Variants in KANK1 observed in about 807,000 individuals in gnomAD.
The protein encoded by KANK1 is KN motif and ankyrin repeat domains 1, also known as KN motif and ankyrin repeat domain-containing protein 1.
KANK1 carries 109 observed loss-of-function variants against 106.2 expected under a neutral mutation model. That is an observed-to-expected ratio of 1.03 (90% CI 0.88 to 1.20). The LOEUF is 1.20. Ranked by LOEUF, KANK1 falls within the 50% of genes most tolerant of loss-of-function variation. The pLI is 0.00. For synonymous variants in KANK1, 873 were observed against 652.2 expected (o/e 1.34, Z -5.16); for missense variants, 2,399 against 1,710.7 (o/e 1.40, Z -7.10).
At chr9:663,559 A>T (rs955664460) in intron 1 of KANK1, among the ~76,000 whole-genome samples, 4 of 152,240 alleles carry the variant, frequency 2.6e-5, no homozygotes, top group African/African-American at 9.6e-5. Context: ...TTTCATTCTG[A>T]TGCTCTTCTT....
intron 1 of KANK1, among the ~76,000 whole-genome samples, chr9:538,876 T>G (rs2060441208): frequency 6.6e-6 from 1 of 152,140 alleles, no homozygotes; most frequent in Non-Finnish European, 1.5e-5. Flanking sequence ...TTTTCCAGCT[T>G]TTGTTTTTTA....
intron 1 of KANK1, among the ~76,000 whole-genome samples, chr9:579,833 A>G (rs1271446254): frequency 1.3e-5 from 2 of 152,202 alleles, no homozygotes; most frequent in Non-Finnish European, 1.5e-5. Context: ...TTTGGCTCTA[A>G]GAAAATCTGG....
rs115066060 is a variant in KANK1, at chr9:661,021, T to C, written c.-83-15869T>C. ...CCAGTCATGTAGCTAGCTGTAGAGC[T>C]TGCAACTTAATGGCAACAGCTGTCC... On this transcript the variant is annotated intron_variant, in intron 1 of 11. Transcript: ENST00000382297. 5.5e-3 allele frequency among the ~76,000 whole-genome samples: 837 copies of C among 152,308 alleles called. 6 individuals are homozygous for C. The highest frequency in any genetic ancestry group is 0.019 in the African/African-American group (790 of 41,540).
In KANK1 at chr9:712,006, G is replaced by A. The variant is rs776859009; in HGVS notation, c.1240G>A (p.Val414Met). 5 of 1,614,064 alleles carry A rather than the reference G, an allele frequency of 3.1e-6. No homozygotes were observed. The highest frequency in any genetic ancestry group is 1.1e-5 in the South Asian group (1 of 91,080). Residue 414 changes from valine to methionine, a missense_variant, in exon 3 of 12, where the codon GTG becomes ATG. By Grantham distance (21) the Val-to-Met change is conservative. Transcript: ENST00000382297. Reference sequence around the variant, plus strand: ...CGAGGAGAACATGAACGACATCGTCGTGTACCACAGAGGCTCCAGGTCCTG... The same window carrying A: ...CGAGGAGAACATGAACGACATCGTCATGTACCACAGAGGCTCCAGGTCCTG... ...GAEENMNDIV[V>M]YHRGSRSCKD...
chr9:575,540 T>C (rs1820320945), intron 1 of KANK1, among the ~76,000 whole-genome samples: 1 of 147,190 alleles, frequency 6.8e-6, no homozygotes, highest in African/African-American at 2.5e-5. Flanking sequence ...GGAATGGTGA[T>C]GCACACCTGT....
chr9:550,401 C>T (rs905132444), intron 1 of KANK1, among the ~76,000 whole-genome samples: 3 of 152,120 alleles, frequency 2.0e-5, no homozygotes, highest in Admixed American at 6.5e-5. Context: ...TTGCAGATCT[C>T]GAACAGTATA....
chr9:618,972 C>T (rs1832518378), intron 1 of KANK1, among the ~76,000 whole-genome samples: 1 of 152,156 alleles, frequency 6.6e-6, no homozygotes, highest in Admixed American at 6.5e-5. Flanking sequence ...TTTCAGGCAC[C>T]TTGTGACTTA....
chr9:712,212 C>G lies in KANK1; in HGVS notation c.1446C>G (p.Asp482Glu). 1 of 1,614,132 alleles carries G rather than the reference C, an allele frequency of 6.2e-7. No homozygotes were observed. The highest frequency in any genetic ancestry group is 8.5e-7 in the Non-Finnish European group (1 of 1,180,020). The part of the protein sequence containing the change: ...LEVQLRETTH[D>E]REMTKLKQEL... The stretch of plus-strand genomic sequence containing the variant: ...TACAGCTTAGAGAAACCACCCATGA[C>G]CGGGAGATGACTAAACTGAAACAAG... The change falls in exon 3 of 12, where the codon GAC becomes GAG. Residue 482 changes from aspartate to glutamate, a missense_variant. By Grantham distance (45) the Asp-to-Glu change is conservative. Transcript: ENST00000382297.
chr9:552,489 T>C (rs2061342754), intron 1 of KANK1, among the ~76,000 whole-genome samples: 1 of 152,210 alleles, frequency 6.6e-6, no homozygotes, highest in Admixed American at 6.5e-5. Flanking sequence ...TTAAGTGACT[T>C]TTTCTTTTCA....
intron 1 of KANK1, among the ~76,000 whole-genome samples, chr9:628,635 A>C (rs1834925980): frequency 6.6e-6 from 1 of 152,174 alleles, no homozygotes; most frequent in African/African-American, 2.4e-5. Flanking sequence ...CTACTGACTT[A>C]GGATTCAAAT....
In KANK1 at chr9:741,016, C is replaced by T. The variant is rs1835337866; in HGVS notation, c.3696+82C>T. 3.4e-6 allele frequency: 5 copies of T among 1,489,612 alleles called. No homozygotes were observed. In the South Asian group the frequency reaches 5.0e-5, roughly 15 times the overall value. The allele number at this position is 1,489,612 out of a possible 1,614,324, so 92.3% of individuals were successfully genotyped here. On this transcript the variant is annotated intron_variant, in intron 9 of 11. Coordinates refer to ENST00000382297, the MANE Select transcript of KANK1 (RefSeq NM_015158.5). ...GCGGTGGCCATTCTGGCAGAGCAGG[C>T]ATAGATGCCACGCTTCCACCACAGT... is the stretch of plus-strand genomic sequence containing the variant.
At chr9:662,968 C>G (rs971755250) in intron 1 of KANK1, among the ~76,000 whole-genome samples, 1 of 152,126 alleles carries the variant, frequency 6.6e-6, no homozygotes, top group Non-Finnish European at 1.5e-5. Context: ...GGCCTAAACC[C>G]TTATTTAACT....
At chr9:738,173 T>C in intron 7 of KANK1, 112 bp from the exon 8 acceptor site, 1 of 850,110 alleles carries the variant, frequency 1.2e-6, no homozygotes, top group South Asian at 1.8e-5. Flanking sequence ...GAGAGCAGAT[T>C]CTAACTGCAT....
intron 1 of KANK1, among the ~76,000 whole-genome samples, chr9:506,771 G>T (rs946460807): frequency 6.6e-6 from 1 of 152,142 alleles, no homozygotes; most frequent in East Asian, 1.9e-4. Flanking sequence ...TCCCAAGTGG[G>T]AGGAGGAGGA....
At chr9:648,303 G>T (rs1225834164) in intron 1 of KANK1, among the ~76,000 whole-genome samples, 3 of 152,012 alleles carry the variant, frequency 2.0e-5, no homozygotes, top group East Asian at 1.9e-4. Context: ...CGCCTGGCCA[G>T]TTCTTTTCCT....
intron 2 of KANK1, among the ~76,000 whole-genome samples, chr9:702,335 GTAGCTGTTTGCT>G (rs920232418): frequency 6.6e-5 from 10 of 152,278 alleles, no homozygotes; most frequent in African/African-American, 2.4e-4. Flanking sequence ...CAGCTGTCAT[GTAGCTGTTTGCT>G]TCACTTCTGC....
At chr9:532,174 G>C (rs990886854) in intron 1 of KANK1, among the ~76,000 whole-genome samples, 1 of 151,136 alleles carries the variant, frequency 6.6e-6, no homozygotes, top group Non-Finnish European at 1.5e-5. Context: ...GGTGAACAGA[G>C]ATTTAAAAGG....
chr9:669,370 ATCTT>A (rs1353312766), intron 1 of KANK1, among the ~76,000 whole-genome samples: 1 of 152,166 alleles, frequency 6.6e-6, no homozygotes, highest in Non-Finnish European at 1.5e-5. Flanking sequence ...TTGAAGAACC[ATCTT>A]TAACATTTCT....
At chr9:695,592 T>G (rs1821052529) in intron 2 of KANK1, among the ~76,000 whole-genome samples, 1 of 148,482 alleles carries the variant, frequency 6.7e-6, no homozygotes, top group African/African-American at 2.5e-5. Context: ...CACAAATACC[T>G]TAAACCCTGA....
Sources: allele counts gnomAD v4.1 joint callset (sites outside exome capture counted in the v4.1 genomes callset), GRCh38; gene constraint gnomAD v4.1.1; transcripts MANE v1.5; gene names NCBI Gene and HGNC (gene_info 2026-07-23, HGNC 2026-07-21).